COL20A1: variants seen among roughly 807,000 people sequenced by gnomAD.
COL20A1 encodes the protein collagen type XX alpha 1 chain, also known as collagen alpha-1(XX) chain.
Under a neutral mutation model 152.9 loss-of-function variants are expected in COL20A1, and 164 were observed. That is an observed-to-expected ratio of 1.07 (90% CI 0.94 to 1.22). The LOEUF is 1.22. Ranked by LOEUF, COL20A1 falls within the 50% of genes most tolerant of loss-of-function variation. The pLI is 0.00. For missense variants in COL20A1, 1,873 were observed against 1,744.8 expected, an observed-to-expected ratio of 1.07 and a Z score of -1.31; for synonymous variants, 864 against 756.0, an observed-to-expected ratio of 1.14 and a Z score of -2.34.
chr20:63,324,171 C>G (rs537813051), intron 27 of COL20A1: 1 of 152,348 alleles, frequency 6.6e-6, no homozygotes, highest in South Asian at 2.1e-4. Flanking sequence ...CTGGCCGTGA[C>G]CGCTGTGTAT....
Position 63,295,201 on chromosome 20 carries a change from G to A in COL20A1, c.82+12G>A. ...AGAGCAAGTTCAAGGTAAGGACACT[G>A]GCAGTGGGCCCCTGCTTGCCCCGAG... is the stretch of plus-strand genomic sequence containing the variant. On this transcript the variant is annotated intron_variant, in intron 2 of 35. Transcript: ENST00000358894. The A allele has an allele frequency of 6.5e-7, 1 of 1,541,644 alleles. No homozygotes were observed. The highest frequency in any genetic ancestry group is 1.7e-4 in the Middle Eastern group (1 of 5,838).
At position 63,319,918 on chromosome 20, in the gene COL20A1, C is replaced by A; in HGVS notation, c.2917-121C>A. The A allele has an allele frequency of 1.0e-6, 1 of 976,870 alleles. No individual in the cohort carries two copies. Among genetic ancestry groups the A allele is most frequent in the Non-Finnish European group, 1.5e-6 (1 of 675,038 alleles). The allele number at this position is 976,870 out of a possible 1,614,324, so 60.5% of individuals were successfully genotyped here. Reference sequence around the variant, plus strand: ...GGTCCCCCGAAACCTGAGGTGAGGTCAGGTTCCTGACCCCAGGTCCCAGGG... The same window carrying A: ...GGTCCCCCGAAACCTGAGGTGAGGTAAGGTTCCTGACCCCAGGTCCCAGGG... On this transcript the variant is annotated intron_variant, in intron 23 of 35. Coordinates refer to ENST00000358894, the MANE Select transcript of COL20A1 (RefSeq NM_020882.4). The surrounding 1 kb of genome is among the most constrained non-coding windows in gnomAD (Gnocchi z 4.4).
Position 63,313,046 on chromosome 20 carries a change from C to G in COL20A1, c.2077-71C>G, listed in dbSNP as rs1288963235. On this transcript the variant is annotated intron_variant, in intron 16 of 35. Transcript: ENST00000358894. The surrounding 1 kb of genome is among the most constrained non-coding windows in gnomAD (Gnocchi z 5.9). ...GCGCCCACCCTGTCTCCCAGGGATG[C>G]CTCACTGCCCGGCCCCCCAACCTGA... is the stretch of plus-strand genomic sequence containing the variant. The G allele has an allele frequency of 4.5e-6, 7 of 1,552,734 alleles. No individual in the cohort carries two copies. In the East Asian group the frequency reaches 1.2e-4, roughly 27 times the overall value.
At chr20:63,312,309 C>CT (rs2068019405) in intron 14 of COL20A1, 111 bp from the exon 15 acceptor site, 3 of 1,295,560 alleles carry the variant, frequency 2.3e-6, no homozygotes, top group Non-Finnish European at 3.1e-6. Context: ...TTCCCCGTTT[C>CT]TGGGGGGTCG....
rs1491212788 is a variant in COL20A1 at position 63,316,397 on chromosome 20, CCT to C, written c.2525-155_2525-154del. Among the ~76,000 whole-genome samples, 12 of 151,880 alleles carry C rather than the reference CCT, an allele frequency of 7.9e-5. No individual in the cohort carries two copies. The East Asian group carries it at 2.1e-3, about 27-fold the overall frequency. On this transcript the variant is annotated intron_variant, in intron 20 of 35. Transcript: ENST00000358894. ...GCAGACCCCTGCCCACCCCCCAGCCCCTGTGCTGACTTCCCACCCACGCCGCT... is the reference window on the plus strand; with the variant it reads ...GCAGACCCCTGCCCACCCCCCAGCCCGTGCTGACTTCCCACCCACGCCGCT...
At chr20:63,296,323 CAACTT>C (rs1212861085) in intron 2 of COL20A1, among the ~76,000 whole-genome samples, 2 of 152,272 alleles carry the variant, frequency 1.3e-5, no homozygotes, top group African/African-American at 2.4e-5. Context: ...TCTACAGAAA[CAACTT>C]GAGTTTAGGC....
Position 63,319,122 on chromosome 20 carries a change from G to A in COL20A1, c.2728G>A (p.Glu910Lys), listed in dbSNP as rs374617184. 9.3e-6 allele frequency: 15 copies of A among 1,611,290 alleles called. No individual in the cohort carries two copies. The highest frequency in any genetic ancestry group is 5.0e-5 in the Admixed American group (3 of 59,768). The change falls in exon 22 of 36, where the codon GAG becomes AAG. Residue 910 changes from glutamate to lysine, a missense_variant. Transcript: ENST00000358894. The surrounding 1 kb of genome is among the most constrained non-coding windows in gnomAD (Gnocchi z 4.4). ...TIVFLVRLLP[E>K]TPREAFALWQ... ...CGTCTTCCTTGTGCGCCTACTTCCC[G>A]AGACACCCCGTGAGGCCTTCGCGCT...
At chr20:63,317,257 A>G (rs764074187) in intron 21 of COL20A1, among the ~76,000 whole-genome samples, 10 of 152,180 alleles carry the variant, frequency 6.6e-5, no homozygotes, top group Non-Finnish European at 2.9e-5. Flanking sequence ...TAAGTCCAGG[A>G]GGTTGAAACC....
chr20:63,324,014 C>T (rs1405805196), intron 27 of COL20A1, among the ~76,000 whole-genome samples: 2 of 152,224 alleles, frequency 1.3e-5, no homozygotes, highest in Non-Finnish European at 2.9e-5. Context: ...TTCACAGGGC[C>T]TGTTGTGGCC....
chr20:63,318,184 C>T (rs1024227344), intron 21 of COL20A1, among the ~76,000 whole-genome samples: 2 of 152,120 alleles, frequency 1.3e-5, no homozygotes, highest in African/African-American at 4.8e-5. Context: ...TCTCCAGGTG[C>T]GGCCACCCAG....
intron 35 of COL20A1, among the ~76,000 whole-genome samples, chr20:63,330,335 C>T (rs925271835): frequency 2.0e-5 from 3 of 152,066 alleles, no homozygotes; most frequent in East Asian, 1.9e-4. Flanking sequence ...CATGAGGGGC[C>T]GGCACCTTTG....
chr20:63,312,096 A>G, intron 14 of COL20A1, 41 bp downstream of exon 14: 1 of 1,510,626 alleles, frequency 6.6e-7, no homozygotes, highest in South Asian at 1.3e-5. Flanking sequence ...GTCTTGAGGG[A>G]CCACAGGGCC....
chr20:63,327,389 A>T (rs750042750), intron 31 of COL20A1: 9 of 177,678 alleles, frequency 5.1e-5, no homozygotes, highest in Non-Finnish European at 9.6e-5. Context: ...CACCTCTCCC[A>T]ACCCCACCCA....
intron 10 of COL20A1, 25 bp downstream of exon 10, chr20:63,309,940 C>T (rs907583472): frequency 6.4e-6 from 10 of 1,565,662 alleles, no homozygotes; most frequent in Non-Finnish European, 7.8e-6. Context: ...ATACAGGGCT[C>T]CCCGAGCCGG....
intron 9 of COL20A1, 101 bp downstream of exon 9, chr20:63,309,598 T>G: frequency 7.7e-7 from 1 of 1,294,462 alleles, no homozygotes; most frequent in Non-Finnish European, 1.0e-6. Context: ...TGAGGCCGGC[T>G]CCTGTGGCTC....
chr20:63,313,674 GT>G lies in COL20A1; in HGVS notation c.2210-68del, dbSNP rs1483309089. ...GAGCAGGGTAGGGGCTGGGCAGCTG[GT>G]CCTCTGGCCACCGGGTGCCTCCTTT... is the stretch of plus-strand genomic sequence containing the variant. On this transcript the variant is annotated intron_variant, in intron 17 of 35. Transcript: ENST00000358894. The surrounding 1 kb of genome is among the most constrained non-coding windows in gnomAD (Gnocchi z 5.9). The G allele has an allele frequency of 6.9e-7, 1 of 1,439,218 alleles. No individual in the cohort carries two copies. The highest frequency in any genetic ancestry group is 9.2e-7 in the Non-Finnish European group (1 of 1,083,822). 89.2% of individuals were successfully genotyped at this position (1,439,218 alleles called of 1,614,324 possible). A position where few individuals can be genotyped will look rare whatever the true frequency, so the allele number is the denominator to read the frequency against.
chr20:63,309,355 T>C lies in COL20A1; in HGVS notation c.963T>C (p.Ala321=). 1 of 1,523,704 alleles carries C rather than the reference T, an allele frequency of 6.6e-7. No homozygotes were observed. The highest frequency in any genetic ancestry group is 8.9e-7 in the Non-Finnish European group (1 of 1,129,204). The allele number at this position is 1,523,704 out of a possible 1,614,324, so 94.4% of individuals were successfully genotyped here. A position where few individuals can be genotyped will look rare whatever the true frequency, so the allele number is the denominator to read the frequency against. Residue 321 remains alanine, a synonymous_variant, in exon 9 of 36, where the codon GCT becomes GCC. Transcript: ENST00000358894. ...CAGGTGTGAAGAACGCCGATGAGGC[T>C]GAGCTGAGGCTCCTGGCGTCCCCGC... ...FAVGVKNADE[A]ELRLLASPPR... is the part of the protein sequence containing the mutation.
Position 63,312,005 on chromosome 20 carries a change from C to T in COL20A1, c.1753C>T (p.Arg585Cys), listed in dbSNP as rs758806483. ...CTGGGAGGGTGCCCCGAGGCCTGTG[C>T]GCCTGGTCAGGGTCACCTATGTGTC... is the stretch of plus-strand genomic sequence containing the variant. ...VFWEGAPRPV[R>C]LVRVTYVSSE... Residue 585 changes from arginine to cysteine, a missense_variant, in exon 14 of 36, where the codon CGC becomes TGC. Physicochemically the swap from Arg to Cys is radical, Grantham distance 180. Transcript: ENST00000358894. The T allele has an allele frequency of 2.2e-5, 36 of 1,606,078 alleles. No individual in the cohort carries two copies. The highest frequency in any genetic ancestry group is 3.7e-4 in the Middle Eastern group (2 of 5,372).
chr20:63,306,144 A>C lies in COL20A1; in HGVS notation c.496+105A>C. 9.8e-7 allele frequency: 1 copy of C among 1,016,370 alleles called. No homozygotes were observed. The highest frequency in any genetic ancestry group is 1.4e-6 in the Non-Finnish European group (1 of 703,668). The allele number at this position is 1,016,370 out of a possible 1,614,324, so 63.0% of individuals were successfully genotyped here. Reference sequence around the variant, plus strand: ...GAAGTTCTTCCTCGTGTCTGACCACACGGTCTCTGACCACGAGGCCAGGAA... The same window carrying C: ...GAAGTTCTTCCTCGTGTCTGACCACCCGGTCTCTGACCACGAGGCCAGGAA... On this transcript the variant is annotated intron_variant, in intron 5 of 35. Transcript: ENST00000358894. This position sits in a 1 kb window ranked among gnomAD's most constrained non-coding sequence, Gnocchi z 6.9.
Sources: allele counts gnomAD v4.1 joint callset (sites outside exome capture counted in the v4.1 genomes callset), GRCh38; gene constraint gnomAD v4.1.1; non-coding constraint Gnocchi (gnomAD v3.1); transcripts MANE v1.5; gene names NCBI Gene and HGNC (gene_info 2026-07-23, HGNC 2026-07-21).